Variants in DOCK5 observed in about 807,000 individuals in gnomAD.
DOCK5 encodes dedicator of cytokinesis 5.
In DOCK5, 142 loss-of-function variants were observed where a neutral mutation model predicts 251.8. The ratio of observed to expected loss-of-function variants is 0.56; its 90% CI spans 0.49 to 0.65. DOCK5 has a LOEUF of 0.65. Ranked by LOEUF, DOCK5 falls within the 30% of genes least tolerant of loss-of-function variation. DOCK5 has a pLI of 0.00. For missense variants in DOCK5, 2,111 were observed against 2,312.3 expected (o/e 0.91, Z 1.79); for synonymous variants, 842 against 835.5 (o/e 1.01, Z -0.13).
chr8:25,377,005 C>G lies in DOCK5; in HGVS notation c.3817-300C>G, dbSNP rs1022244312. ...ACCTCTTCCTATTCATTTTTATACT[C>G]CTAATTTGTTCCTTTTATCTGACTG... On this transcript the variant is annotated intron_variant, in intron 37 of 51. Transcript: ENST00000276440. 21 of 201,946 alleles carry G rather than the reference C, an allele frequency of 1.0e-4. 1 individual carries two copies. Among genetic ancestry groups the G allele is most frequent in the African/African-American group, 4.6e-4 (20 of 43,586 alleles). 12.5% of individuals were successfully genotyped at this position (201,946 alleles called of 1,614,324 possible).
intron 41 of DOCK5, 73 bp from the exon 42 acceptor site, chr8:25,390,133 G>A: frequency 7.5e-7 from 1 of 1,331,582 alleles, no homozygotes; most frequent in Non-Finnish European, 1.0e-6. Context: ...TGTGAAGCAG[G>A]AGGAACAGGG....
intron 12 of DOCK5, 25 bp from the exon 13 acceptor site, chr8:25,310,382 A>T: frequency 6.3e-7 from 1 of 1,592,230 alleles, no homozygotes; most frequent in African/African-American, 1.4e-5. Flanking sequence ...AAAGAACTAA[A>T]CGTTTATCTT....
chr8:25,300,539 G>A, intron 8 of DOCK5, 37 bp from the exon 9 acceptor site: 2 of 1,544,304 alleles, frequency 1.3e-6, no homozygotes, highest in South Asian at 1.2e-5. Context: ...ACCCCAGTTA[G>A]CCTCTCATTA....
At chr8:25,281,215 T>C (rs1167707942) in intron 5 of DOCK5, among the ~76,000 whole-genome samples, 1 of 149,118 alleles carries the variant, frequency 6.7e-6, no homozygotes, top group South Asian at 2.1e-4. Context: ...TCACTTGAGG[T>C]CACGAGTTCA....
At chr8:25,316,703 C>T (rs1000132588) in intron 13 of DOCK5, among the ~76,000 whole-genome samples, 15 of 152,086 alleles carry the variant, frequency 9.9e-5, no homozygotes, top group African/African-American at 3.4e-4. Flanking sequence ...ATTGAAAAAC[C>T]GTCTGCCACT....
At chr8:25,403,956 AT>A (rs1801481936) in intron 48 of DOCK5, among the ~76,000 whole-genome samples, 1 of 152,020 alleles carries the variant, frequency 6.6e-6, no homozygotes, top group Non-Finnish European at 1.5e-5. Flanking sequence ...GTCATTACCT[AT>A]TTTTTTCATC....
chr8:25,391,052 G>A (rs1164844689), intron 42 of DOCK5, among the ~76,000 whole-genome samples: 1 of 151,774 alleles, frequency 6.6e-6, no homozygotes, highest in Non-Finnish European at 1.5e-5. Flanking sequence ...CAGGCAATCC[G>A]CCCACTAAGA....
intron 26 of DOCK5, among the ~76,000 whole-genome samples, chr8:25,347,507 A>G (rs1260771644): frequency 6.6e-6 from 1 of 152,250 alleles, no homozygotes; most frequent in Non-Finnish European, 1.5e-5. Flanking sequence ...TGCACCAAAT[A>G]CGTAAATGTG....
chr8:25,191,245 C>T (rs1262604144), intron 1 of DOCK5, among the ~76,000 whole-genome samples: 2 of 152,062 alleles, frequency 1.3e-5, no homozygotes, highest in South Asian at 2.1e-4. Flanking sequence ...CTCATTCTCT[C>T]GTTAGTGGAG....
chr8:25,385,598 A>C (rs1463507177), intron 40 of DOCK5, among the ~76,000 whole-genome samples: 1 of 152,212 alleles, frequency 6.6e-6, no homozygotes, highest in Non-Finnish European at 1.5e-5. Flanking sequence ...AATATTTATT[A>C]AACTCCTACC....
intron 5 of DOCK5, among the ~76,000 whole-genome samples, chr8:25,282,108 G>A (rs1804209977): frequency 6.6e-6 from 1 of 152,060 alleles, no homozygotes; most frequent in Non-Finnish European, 1.5e-5. Context: ...ATCCAGTAAG[G>A]AACAATCCAC....
intron 17 of DOCK5, among the ~76,000 whole-genome samples, chr8:25,324,524 G>C (rs975801912): frequency 2.0e-5 from 3 of 152,190 alleles, no homozygotes; most frequent in Non-Finnish European, 4.4e-5. Context: ...CCCCACAGTT[G>C]GCTGCTCTTT....
chr8:25,283,354 T>G (rs2117137402), intron 5 of DOCK5, among the ~76,000 whole-genome samples: 1 of 152,300 alleles, frequency 6.6e-6, no homozygotes, highest in South Asian at 2.1e-4. Context: ...GAGTATCCTG[T>G]GCGGGTCCTG....
chr8:25,319,137 G>A (rs1285585734), intron 14 of DOCK5, among the ~76,000 whole-genome samples: 1 of 152,124 alleles, frequency 6.6e-6, no homozygotes, highest in Non-Finnish European at 1.5e-5. Flanking sequence ...TGAGTTGAGT[G>A]AATATGCTGT....
At chr8:25,401,642 G>A (rs1330714208) in intron 47 of DOCK5, among the ~76,000 whole-genome samples, 3 of 152,136 alleles carry the variant, frequency 2.0e-5, no homozygotes, top group Non-Finnish European at 2.9e-5. Context: ...GCTGTGGCAA[G>A]AGAATTGCTT....
Position 25,368,187 on chromosome 8 carries a change from C to T in DOCK5, c.3225-5C>T, listed in dbSNP as rs765403160. ...CCTCCTTCTAGTTTATGATCTTCTT[C>T]CTAGATATGGGGACATGAGAAAGGA... On this transcript the variant is annotated splice_polypyrimidine_tract_variant and splice_region_variant and intron_variant, in intron 31 of 51. Transcript: ENST00000276440. 11 of 1,610,130 alleles carry T rather than the reference C, an allele frequency of 6.8e-6. 1 individual carries two copies. The South Asian group carries it at 1.1e-4, about 16-fold the overall frequency.
chr8:25,331,153 C>A (rs1414133715), intron 18 of DOCK5, among the ~76,000 whole-genome samples: 3 of 151,746 alleles, frequency 2.0e-5, no homozygotes, highest in African/African-American at 7.3e-5. Flanking sequence ...AGATAGTGCT[C>A]TGAATAGAAA....
chr8:25,341,120 T>A (rs1482377412), intron 23 of DOCK5, 132 bp downstream of exon 23: 3 of 603,396 alleles, frequency 5.0e-6, no homozygotes, highest in Non-Finnish European at 8.4e-6. Flanking sequence ...AATTTTAGTA[T>A]GATTTACAGA....
chr8:25,189,042 C>CTTTTTTT (rs1432735816), intron 1 of DOCK5, among the ~76,000 whole-genome samples: 9 of 97,638 alleles, frequency 9.2e-5, no homozygotes, highest in Admixed American at 1.2e-4. Context: ...TTCTTTCTTT[C>CTTTTTTT]TTTCTTTTTT....
Sources: gnomAD v4.1 joint callset for allele counts (sites outside exome capture counted in the v4.1 genomes callset) on GRCh38, gnomAD v4.1.1 for gene constraint, MANE v1.5 for transcripts, NCBI Gene and HGNC (gene_info 2026-07-23, HGNC 2026-07-21) for gene names.